The following CTNS variants were observed in gnomAD, a reference collection of about 807,000 sequenced individuals.
CTNS encodes the protein cystinosin.
CTNS carries 27 observed loss-of-function variants against 43.7 expected under a neutral mutation model. The observed-to-expected ratio is 0.62, with a 90% confidence interval of 0.46 to 0.85. The LOEUF is 0.85. CTNS is among the 40% of genes least tolerant of loss of function. The pLI is 0.00. For synonymous variants in CTNS, 187 were observed against 190.6 expected, an observed-to-expected ratio of 0.98 and a Z score of 0.16; for missense variants, 457 against 475.4, an observed-to-expected ratio of 0.96 and a Z score of 0.36.
intron 11 of CTNS, 73 bp downstream of exon 11, chr17:3,660,048 C>G (rs1597665516): frequency 2.0e-6 from 3 of 1,467,218 alleles, no homozygotes; most frequent in Non-Finnish European, 2.9e-6. Flanking sequence ...CCGGGACCTT[C>G]CAGCCAGGGC....
At chr17:3,650,453 G>C in intron 5 of CTNS, 1 of 1,144,800 alleles carries the variant, frequency 8.7e-7, no homozygotes. Flanking sequence ...CTGCCCTCCA[G>C]CCTGAGTGTT....
Position 3,660,700 on chromosome 17 carries a change from C to G in CTNS, c.*331C>G, listed in dbSNP as rs779704937. 6.2e-7 allele frequency: 1 copy of G among 1,613,572 alleles called. No individual in the cohort carries two copies. The highest frequency in any genetic ancestry group is 1.1e-5 in the South Asian group (1 of 91,088). ...TTGCAGCCGAAGGCCTTGCCCCAAA[C>G]TACCAGCGTTTCTGCAAGCAGCTTG... On this transcript the variant is annotated 3_prime_UTR_variant, in exon 12 of 12. Transcript: ENST00000046640.
chr17:3,655,770 C>G, intron 7 of CTNS: 1 of 270,074 alleles, frequency 3.7e-6, no homozygotes, highest in South Asian at 4.2e-5. Flanking sequence ...GTCACCCTGG[C>G]CACGTCGGCC....
chr17:3,647,603 T>C (rs1278133864), intron 4 of CTNS, 81 bp downstream of exon 4: 3 of 1,163,128 alleles, frequency 2.6e-6, no homozygotes, highest in Non-Finnish European at 3.9e-6. Flanking sequence ...GCTCAGTCTG[T>C]TCAGATTTCA....
chr17:3,660,983 A>T lies in CTNS; in HGVS notation c.*614A>T. The T allele has an allele frequency of 1.7e-6, 1 of 585,010 alleles. No individual in the cohort carries two copies. Among genetic ancestry groups the T allele is most frequent in the African/African-American group, 1.9e-5 (1 of 53,726 alleles). 36.2% of individuals were successfully genotyped at this position (585,010 alleles called of 1,614,324 possible). ...TTCTGAGCCATGAGGGGCCCACCAG[A>T]TTGGTTCTGAATTGGATTCATGCCC... On this transcript the variant is annotated 3_prime_UTR_variant, in exon 12 of 12. Coordinates refer to ENST00000046640, the MANE Select transcript of CTNS (RefSeq NM_004937.3).
chr17:3,648,196 C>A (rs1398376421), intron 4 of CTNS, among the ~76,000 whole-genome samples: 2 of 152,192 alleles, frequency 1.3e-5, no homozygotes, highest in Non-Finnish European at 2.9e-5. Flanking sequence ...GGCCTGAAAG[C>A]AAAGCTTTGG....
At chr17:3,659,377 TAGG>T (rs2076232671) in intron 10 of CTNS, among the ~76,000 whole-genome samples, 3 of 152,126 alleles carry the variant, frequency 2.0e-5, no homozygotes, top group Admixed American at 2.0e-4. Context: ...AAACCAAGGC[TAGG>T]AGAACTGTCA....
intron 4 of CTNS, among the ~76,000 whole-genome samples, chr17:3,648,100 G>A (rs1006920799): frequency 3.9e-5 from 6 of 152,178 alleles, no homozygotes; most frequent in South Asian, 2.1e-4. Context: ...CCTCCCAGCC[G>A]TGAGGATTCC....
At chr17:3,638,116 G>A (rs1401526606) in intron 2 of CTNS, among the ~76,000 whole-genome samples, 3 of 152,106 alleles carry the variant, frequency 2.0e-5, no homozygotes, top group South Asian at 4.1e-4. Context: ...CTGGACAATA[G>A]TTAGAACTTA....
rs746649047 is a variant in CTNS at position 3,658,045 on chromosome 17, T to C, written c.722T>C (p.Leu241Pro). The change falls in exon 10 of 12, where the codon CTG becomes CCG. Residue 241 changes from leucine to proline, a missense_variant. Coordinates refer to ENST00000046640, the MANE Select transcript of CTNS (RefSeq NM_004937.3). ...QRVSWPAIGF[L>P]VLAWLFAFVT... ...GTGTCCTGGCCTGCCATCGGCTTCC[T>C]GGTGCTCGCGTGGCTCTTCGCATTT... 3.7e-6 allele frequency: 6 copies of C among 1,611,632 alleles called. No individual in the cohort carries two copies. Among genetic ancestry groups the C allele is most frequent in the South Asian group, 3.3e-5 (3 of 91,012 alleles).
rs2076157756 is a variant in CTNS, at chr17:3,656,737, T to C, written c.623T>C (p.Phe208Ser). Residue 208 changes from phenylalanine to serine, a missense_variant, in exon 9 of 12, where the codon TTC (phenylalanine) becomes TCC (serine). Phe to Ser is a radical substitution (Grantham distance 155). Coordinates refer to ENST00000046640, the MANE Select transcript of CTNS (RefSeq NM_004937.3). ...VNPVNSNDVF[F>S]SLHAVVLTLI... ...CCCGTGAACAGCAACGACGTCTTCT[T>C]CAGCCTGCACGCGGTTGTCCTCACG... is the stretch of plus-strand genomic sequence containing the variant. The C allele has an allele frequency of 6.2e-7, 1 of 1,613,470 alleles. No homozygotes were observed. Among genetic ancestry groups the C allele is most frequent in the African/African-American group, 1.3e-5 (1 of 74,970 alleles).
chr17:3,655,002 T>C lies in CTNS; in HGVS notation c.230T>C (p.Val77Ala), dbSNP rs1329511627. Residue 77 changes from valine to alanine, a missense_variant, in exon 6 of 12, where the codon GTG (valine) becomes GCG (alanine). Physicochemically the swap from Val to Ala is moderately conservative, Grantham distance 64. Transcript: ENST00000046640. ...GAACCTCAGTCTTCCTAACAGGTTG[T>C]GGTGCCTCCTGGAGTGACAAACTCC... is the stretch of plus-strand genomic sequence containing the variant. ...ITILELPDEV[V>A]VPPGVTNSSF... The C allele has an allele frequency of 1.2e-6, 2 of 1,612,264 alleles. No homozygotes were observed. The highest frequency in any genetic ancestry group is 2.7e-5 in the African/African-American group (2 of 74,910).
At chr17:3,648,802 C>A in intron 4 of CTNS, 45 bp from the exon 5 acceptor site, 1 of 1,478,906 alleles carries the variant, frequency 6.8e-7, no homozygotes, top group South Asian at 1.1e-5. Context: ...GTTGAGATCT[C>A]ACTGTCCAGC....
chr17:3,656,909 T>G lies in CTNS; in HGVS notation c.681+114T>G, dbSNP rs1337150623. ...GAAAGGAAGGGTGTGTGTTCATTCA[T>G]CCAGGTCCTGTGCTGGGCATAGAAG... On this transcript the variant is annotated intron_variant, in intron 9 of 11. Transcript: ENST00000046640. The G allele has an allele frequency of 7.1e-5, 109 of 1,531,546 alleles. No individual in the cohort carries two copies. The Admixed American group carries it at 2.0e-3, about 28-fold the overall frequency. The allele number at this position is 1,531,546 out of a possible 1,614,324, so 94.9% of individuals were successfully genotyped here.
chr17:3,656,811 G>GC lies in CTNS; in HGVS notation c.681+22dup. 6.2e-7 allele frequency: 1 copy of GC among 1,612,448 alleles called. No homozygotes were observed. Among genetic ancestry groups the GC allele is most frequent in the Non-Finnish European group, 8.5e-7 (1 of 1,179,802 alleles). On this transcript the variant is annotated intron_variant, in intron 9 of 11. Transcript: ENST00000046640. ...CCTGTATGAGGTGAGACCAGCCCTGGCCCCCCACAGGCCACCCCAGCCAAC... is the reference window on the plus strand; with the variant it reads ...CCTGTATGAGGTGAGACCAGCCCTGGCCCCCCCACAGGCCACCCCAGCCAAC...
At chr17:3,653,126 G>T (rs970056264) in intron 5 of CTNS, among the ~76,000 whole-genome samples, 1 of 152,098 alleles carries the variant, frequency 6.6e-6, no homozygotes, top group Non-Finnish European at 1.5e-5. Flanking sequence ...CCTGCCTCTC[G>T]GAAGGCCGGG....
rs538842724 is a variant in CTNS at position 3,655,150 on chromosome 17, G to T, written c.329+49G>T. 53 of 1,613,974 alleles carry T rather than the reference G, an allele frequency of 3.3e-5. No homozygotes were observed. The South Asian group carries it at 5.8e-4, about 18-fold the overall frequency. On this transcript the variant is annotated intron_variant, in intron 6 of 11. Transcript: ENST00000046640. Reference sequence around the variant, plus strand: ...GGCCTCACGTGACAAGAAGGGGGCCGTGCTGGGCACGTGGGAGTCTCCTTC... The same window carrying T: ...GGCCTCACGTGACAAGAAGGGGGCCTTGCTGGGCACGTGGGAGTCTCCTTC...
At position 3,654,987 on chromosome 17, in the gene CTNS, C is replaced by T. The variant is rs376900566; in HGVS notation, c.226-11C>T. On this transcript the variant is annotated splice_polypyrimidine_tract_variant and intron_variant, in intron 5 of 11. Coordinates refer to ENST00000046640, the MANE Select transcript of CTNS (RefSeq NM_004937.3). ...ACGTGGCATCGGATTGAACCTCAGTCTTCCTAACAGGTTGTGGTGCCTCCT... is the reference window on the plus strand; with the variant it reads ...ACGTGGCATCGGATTGAACCTCAGTTTTCCTAACAGGTTGTGGTGCCTCCT... 1.7e-4 allele frequency: 278 copies of T among 1,601,216 alleles called. No individual in the cohort carries two copies. The highest frequency in any genetic ancestry group is 2.3e-4 in the Non-Finnish European group (271 of 1,168,154).
At chr17:3,641,395 T>A (rs1338812834) in intron 3 of CTNS, among the ~76,000 whole-genome samples, 2 of 99,650 alleles carry the variant, frequency 2.0e-5, no homozygotes, top group South Asian at 3.5e-4. Flanking sequence ...TTTTTTTTTT[T>A]TTTTTTTTTT....
Sources: allele counts gnomAD v4.1 joint callset (sites outside exome capture counted in the v4.1 genomes callset), GRCh38; gene constraint gnomAD v4.1.1; transcripts MANE v1.5; gene names NCBI Gene and HGNC (gene_info 2026-07-23, HGNC 2026-07-21).